MSH3: variants seen among roughly 807,000 people sequenced by gnomAD.
MSH3 encodes the protein DNA mismatch repair protein Msh3.
MSH3 carries 106 observed loss-of-function variants against 123.3 expected under a neutral mutation model. The observed-to-expected ratio is 0.86, with a 90% CI of 0.73 to 1.01. The LOEUF (loss-of-function observed/expected upper bound fraction) is 1.01, where lower values mean the gene tolerates loss of function less well. Ranked by LOEUF, MSH3 falls within the 50% of genes least tolerant of loss-of-function variation. The pLI is 0.00. For synonymous variants in MSH3, 515 were observed against 481.4 expected (o/e 1.07, Z -0.91); for missense variants, 1,459 against 1,347.6 (o/e 1.08, Z -1.29).
intron 19 of MSH3, among the ~76,000 whole-genome samples, chr5:80,802,128 A>G (rs1317713649): frequency 6.6e-6 from 1 of 152,168 alleles, no homozygotes; most frequent in African/African-American, 2.4e-5. Flanking sequence ...CTTAATTCCA[A>G]AGATAGCCAC....
At chr5:80,709,449 C>T (rs953260790) in intron 8 of MSH3, among the ~76,000 whole-genome samples, 4 of 152,006 alleles carry the variant, frequency 2.6e-5, no homozygotes, top group African/African-American at 4.8e-5. Flanking sequence ...GGTGAAACTC[C>T]GTCTCTACTA....
intron 8 of MSH3, among the ~76,000 whole-genome samples, chr5:80,696,271 A>G (rs6151681): frequency 0.011 from 1,750 of 152,292 alleles, 12 homozygotes; most frequent in South Asian, 0.045. Flanking sequence ...CTTGTTTGCT[A>G]CTGTATGGCT....
intron 8 of MSH3, among the ~76,000 whole-genome samples, chr5:80,692,011 ATATGTTTAGATAGATAAACAGTATGTT>A (rs1750278953): frequency 1.0e-5 from 1 of 96,914 alleles, no homozygotes; most frequent in Non-Finnish European, 2.3e-5. Context: ...ATAAACATGT[ATATGTTTAGATAGATAAACAGTATGTT>A]TAGATAGATA....
At chr5:80,686,882 A>G (rs1750105342) in intron 8 of MSH3, among the ~76,000 whole-genome samples, 1 of 152,188 alleles carries the variant, frequency 6.6e-6, no homozygotes, top group African/African-American at 2.4e-5. Context: ...TGTGTGAGGA[A>G]AGGCAAAAGA....
At chr5:80,791,196 A>G (rs900826503) in intron 18 of MSH3, among the ~76,000 whole-genome samples, 6 of 152,202 alleles carry the variant, frequency 3.9e-5, no homozygotes, top group Non-Finnish European at 8.8e-5. Flanking sequence ...TTGAAAGGAT[A>G]TAGATGATGT....
At position 80,778,779 on chromosome 5, in the gene MSH3, A is replaced by G. The variant is rs1580045587; in HGVS notation, c.2378A>G (p.Asn793Ser). ...PFIVENYRHL[N>S]QLREQLVLDC... ...ATTGTAGAAAATTACAGACATCTGA[A>G]TCAGCTCCGGGAGCAGCTAGTCCTT... is the stretch of plus-strand genomic sequence containing the variant. Residue 793 changes from asparagine (N) to serine (S), a missense_variant, in exon 17 of 24, where the codon AAT (asparagine) becomes AGT (serine). Transcript: ENST00000265081. 2 of 1,613,538 alleles carry G rather than the reference A, an allele frequency of 1.2e-6. No individual in the cohort carries two copies. The highest frequency in any genetic ancestry group is 1.7e-6 in the Non-Finnish European group (2 of 1,179,456).
chr5:80,712,320 A>G (rs1182307445), intron 8 of MSH3, among the ~76,000 whole-genome samples: 2 of 152,250 alleles, frequency 1.3e-5, no homozygotes, highest in Non-Finnish European at 1.5e-5. Context: ...AGTTCAAAAA[A>G]TGGAAAGTAT....
chr5:80,855,940 G>C (rs912870848), intron 21 of MSH3: 1 of 146,718 alleles, frequency 6.8e-6, no homozygotes, highest in African/African-American at 2.6e-5. Flanking sequence ...CTGCAGTGCA[G>C]TGGCATGATC....
At chr5:80,655,122 A>G in intron 1 of MSH3, 158 bp downstream of exon 1, 2 of 521,908 alleles carry the variant, frequency 3.8e-6, no homozygotes, top group Non-Finnish European at 6.6e-6. Flanking sequence ...AGCCGGGGCT[A>G]CAAATTGGGT....
intron 20 of MSH3, among the ~76,000 whole-genome samples, chr5:80,842,249 A>C (rs890589129): frequency 6.6e-6 from 1 of 151,958 alleles, no homozygotes; most frequent in Non-Finnish European, 1.5e-5. Flanking sequence ...CCTCTGTTCT[A>C]TTCCATTGGT....
chr5:80,827,489 A>G (rs1264513523), intron 20 of MSH3, among the ~76,000 whole-genome samples: 1 of 152,232 alleles, frequency 6.6e-6, no homozygotes, highest in East Asian at 1.9e-4. Flanking sequence ...TTTGTACTCT[A>G]TACAAAATAT....
chr5:80,727,467 C>T (rs1045528271), intron 9 of MSH3, among the ~76,000 whole-genome samples: 5 of 152,072 alleles, frequency 3.3e-5, no homozygotes, highest in Admixed American at 1.3e-4. Flanking sequence ...ACAGTGTAGT[C>T]GTATATAAGG....
At chr5:80,828,770 C>T (rs906141129) in intron 20 of MSH3, among the ~76,000 whole-genome samples, 1 of 152,158 alleles carries the variant, frequency 6.6e-6, no homozygotes, top group Non-Finnish European at 1.5e-5. Context: ...AAAAACTAAG[C>T]CTTGAGGCTC....
chr5:80,770,778 C>A (rs1744201819), intron 15 of MSH3, among the ~76,000 whole-genome samples: 2 of 151,962 alleles, frequency 1.3e-5, no homozygotes, highest in Admixed American at 6.5e-5. Flanking sequence ...TCATAGTATT[C>A]AAAATAAAAT....
intron 8 of MSH3, among the ~76,000 whole-genome samples, chr5:80,702,070 T>C (rs907038047): frequency 1.3e-5 from 2 of 152,114 alleles, no homozygotes; most frequent in African/African-American, 4.8e-5. Flanking sequence ...ATAATCAATA[T>C]ACATTAATAT....
chr5:80,808,188 A>C (rs143581238), intron 19 of MSH3, among the ~76,000 whole-genome samples: 313 of 152,304 alleles, frequency 2.1e-3, no homozygotes, highest in African/African-American at 7.3e-3. Flanking sequence ...TCTTGATCTT[A>C]AATCTAGCCA....
intron 11 of MSH3, among the ~76,000 whole-genome samples, chr5:80,744,204 C>G (rs1580599194): frequency 6.6e-6 from 1 of 152,032 alleles, no homozygotes; most frequent in East Asian, 1.9e-4. Context: ...TTGTATTTCC[C>G]AAGGTAGGAA....
chr5:80,777,286 T>C (rs1231029254), intron 16 of MSH3, among the ~76,000 whole-genome samples: 1 of 144,970 alleles, frequency 6.9e-6, no homozygotes, highest in Non-Finnish European at 1.5e-5. Context: ...AATACCATCT[T>C]TTTTTTTTTA....
chr5:80,872,652 T>TA (rs939600909), intron 22 of MSH3, among the ~76,000 whole-genome samples: 1 of 151,868 alleles, frequency 6.6e-6, no homozygotes, highest in Non-Finnish European at 1.5e-5. Context: ...CAAAAAATAT[T>TA]AAAAAATTAG....
Sources: gnomAD v4.1 joint callset for allele counts (sites outside exome capture counted in the v4.1 genomes callset) on GRCh38, gnomAD v4.1.1 for gene constraint, MANE v1.5 for transcripts, NCBI Gene and HGNC (gene_info 2026-07-23, HGNC 2026-07-21) for gene names.